Variants in FHL1 observed in about 807,000 individuals in gnomAD.
FHL1 encodes four and a half LIM domains protein 1.
A neutral mutation model predicts 20.3 loss-of-function variants in FHL1; 1 was observed. The observed-to-expected ratio is 0.05, with a 90% CI of 0.02 to 0.23. The LOEUF (loss-of-function observed/expected upper bound fraction) is 0.23. FHL1 is among the 10% of genes least tolerant of loss of function. FHL1 has a pLI of 1.00. For missense variants in FHL1, 177 were observed against 234.0 expected, an observed-to-expected ratio of 0.76 and a Z score of 1.59; for synonymous variants, 82 against 88.9, an observed-to-expected ratio of 0.92 and a Z score of 0.44.
chrX:136,179,583 T>C (rs2148319310), intron 2 of FHL1, among the ~76,000 whole-genome samples: 1 of 112,492 alleles, frequency 8.9e-6, no homozygotes, highest in South Asian at 3.7e-4. Context: ...TTTCCTCTTA[T>C]GTCCTTTGTA....
chrX:136,189,592 C>T (rs969512340), intron 2 of FHL1, among the ~76,000 whole-genome samples: 2 of 111,987 alleles, frequency 1.8e-5, no homozygotes, highest in Non-Finnish European at 3.8e-5. Context: ...ATAGTGCTTA[C>T]TGTGTGCCAG....
At chrX:136,151,937 A>G (rs766233268) in intron 1 of FHL1, among the ~76,000 whole-genome samples, 44 of 111,879 alleles carry the variant, frequency 3.9e-4, no homozygotes, top group African/African-American at 1.3e-3. Flanking sequence ...CAAGATTAAG[A>G]TTATTACTCC....
rs1395692638 is a variant in FHL1, at chrX:136,158,901, TAAAG to T, written c.-100-11003_-100-11000del. 7.2e-5 allele frequency among the ~76,000 whole-genome samples: 8 copies of T among 111,222 alleles called. No homozygotes were observed. The East Asian group carries it at 2.2e-3, about 31-fold the overall frequency. On this transcript the variant is annotated intron_variant, in intron 1 of 7. Transcript: ENST00000394155. ...TTTTCAGAATGGGCCATAAAGATAT[TAAAG>T]AACCCATTCAACATTTGTCAAAACC...
chrX:136,180,618 G>A (rs775354196), intron 2 of FHL1, among the ~76,000 whole-genome samples: 3 of 112,286 alleles, frequency 2.7e-5, no homozygotes, highest in East Asian at 2.8e-4. Context: ...TTATACTTTC[G>A]CAAGTATATT....
At chrX:136,205,262 G>C (rs2073811378) in intron 1 of FHL1, among the ~76,000 whole-genome samples, 1 of 111,600 alleles carries the variant, frequency 9.0e-6, no homozygotes, top group African/African-American at 3.3e-5. Flanking sequence ...TGGGATTGCA[G>C]GCGTGTTGTC....
At chrX:136,171,837 A>G (rs1047208589) in intron 2 of FHL1, among the ~76,000 whole-genome samples, 3 of 110,924 alleles carry the variant, frequency 2.7e-5, no homozygotes, top group Non-Finnish European at 3.8e-5. Context: ...TCAGTTGAAT[A>G]GAATCTGCTA....
upstream of FHL1, among the ~76,000 whole-genome samples, chrX:136,165,329 T>C (rs1181597835): frequency 5.3e-5 from 6 of 112,363 alleles, no homozygotes. Flanking sequence ...AGTTCTTTTG[T>C]TAAAGAAAAT....
rs753643769 is a variant in FHL1 at position 136,187,142 on chromosome X, T to A, written c.-27+17162T>A. On this transcript the variant is annotated intron_variant, in intron 2 of 6. Transcript: ENST00000394153. Reference sequence around the variant, plus strand: ...ATACCACTATTTATGTTTTTTTTTTTAAAAGAGGAAAAAGAAAAAATATAT... The same window carrying A: ...ATACCACTATTTATGTTTTTTTTTTAAAAAGAGGAAAAAGAAAAAATATAT... Among the ~76,000 whole-genome samples, 152 of 87,430 alleles carry A rather than the reference T, an allele frequency of 1.7e-3. No homozygotes were observed. The Middle Eastern group carries it at 0.018, about 10-fold the overall frequency. The allele number at this position is 87,430 out of a possible 115,157, so 75.9% of individuals were successfully genotyped here.
upstream of FHL1, chrX:136,146,921 C>A (rs1186159990): frequency 3.0e-6 from 1 of 328,855 alleles, no homozygotes; most frequent in Non-Finnish European, 5.9e-6. Flanking sequence ...GTCGGTGGGC[C>A]TTTCGGCGCC....
chrX:136,192,451 C>G (rs781658641), upstream of FHL1, among the ~76,000 whole-genome samples: 22 of 112,175 alleles, frequency 2.0e-4, no homozygotes, highest in Non-Finnish European at 3.0e-4. Context: ...TTCGTAATCT[C>G]TCTGTGAATA....
chrX:136,204,857 T>C (rs1328418039), intron 1 of FHL1: 4 of 111,992 alleles, frequency 3.6e-5, no homozygotes, highest in African/African-American at 9.8e-5. Context: ...TCCAAATAAC[T>C]TGGACATGTG....
At chrX:136,198,070 A>G (rs1421800205) in intron 1 of FHL1, among the ~76,000 whole-genome samples, 2 of 109,930 alleles carry the variant, frequency 1.8e-5, no homozygotes, top group African/African-American at 6.6e-5. Context: ...GGTTTTAAAT[A>G]TGCTGCAATG....
chrX:136,208,332 G>A, intron 4 of FHL1, 123 bp from the exon 5 acceptor site: 1 of 742,506 alleles, frequency 1.3e-6, no homozygotes, highest in Non-Finnish European at 2.1e-6. Context: ...TGCCTCCCAT[G>A]GCTGTTGTGG....
chrX:136,150,534 G>T (rs1050416178), intron 1 of FHL1, among the ~76,000 whole-genome samples: 5 of 111,946 alleles, frequency 4.5e-5, no homozygotes, highest in African/African-American at 1.6e-4. Flanking sequence ...TTTGGATTTG[G>T]GGTAAAAGGG....
At chrX:136,209,581 A>G in intron 5 of FHL1, 1 of 638,493 alleles carries the variant, frequency 1.6e-6, no homozygotes, top group East Asian at 3.5e-5. Context: ...TGGCATGGGA[A>G]CGTGGGGTCT....
chrX:136,186,696 G>A lies in FHL1; in HGVS notation c.-27+16716G>A, dbSNP rs374487290. On this transcript the variant is annotated intron_variant, in intron 2 of 6. Transcript: ENST00000394153. ...GGTGAAACTCTTTTCTCTACTAAAAGTACAAAAATTAGCTGGGCATGGTGG... is the reference window on the plus strand; with the variant it reads ...GGTGAAACTCTTTTCTCTACTAAAAATACAAAAATTAGCTGGGCATGGTGG... Among the ~76,000 whole-genome samples the A allele has an allele frequency of 2.6e-4, 29 of 109,565 alleles. No homozygotes were observed. The South Asian group carries it at 0.011, about 42-fold the overall frequency.
At chrX:136,191,098 C>T (rs935616935) in intron 2 of FHL1, among the ~76,000 whole-genome samples, 1 of 111,606 alleles carries the variant, frequency 9.0e-6, no homozygotes, top group Non-Finnish European at 1.9e-5. Context: ...AATGGCAGAC[C>T]ACACACCAAC....
chrX:136,151,228 A>T (rs1337897550), intron 1 of FHL1, among the ~76,000 whole-genome samples: 1 of 112,611 alleles, frequency 8.9e-6, no homozygotes, highest in East Asian at 2.8e-4. Context: ...ATGCTGCTTA[A>T]ATATCCAACA....
chrX:136,202,797 A>G (rs1021217835), intron 1 of FHL1, among the ~76,000 whole-genome samples: 6 of 112,425 alleles, frequency 5.3e-5, no homozygotes, highest in East Asian at 2.8e-4. Flanking sequence ...TTCTCTCCTC[A>G]TGAAGTCAAA....
Sources: gnomAD v4.1 joint callset for allele counts (sites outside exome capture counted in the v4.1 genomes callset) on GRCh38, gnomAD v4.1.1 for gene constraint, MANE v1.5 for transcripts, NCBI Gene and HGNC (gene_info 2026-07-23, HGNC 2026-07-21) for gene names.